The following ALCAM variants were observed in gnomAD, a reference collection of about 807,000 sequenced individuals.
The protein encoded by ALCAM is CD166 antigen.
In ALCAM, 30 loss-of-function variants were observed where a neutral mutation model predicts 70.9. The ratio of observed to expected loss-of-function variants is 0.42; its 90% CI spans 0.32 to 0.57. ALCAM has a LOEUF of 0.57. Ranked by LOEUF, ALCAM falls within the 20% of genes least tolerant of loss-of-function variation. The pLI is 0.11. For synonymous variants in ALCAM, 249 were observed against 242.5 expected (o/e 1.03, Z -0.25); for missense variants, 591 against 695.1 (o/e 0.85, Z 1.68).
intron 1 of ALCAM, among the ~76,000 whole-genome samples, chr3:105,391,234 A>T (rs1359281350): frequency 6.6e-6 from 1 of 152,028 alleles, no homozygotes; most frequent in East Asian, 1.9e-4. Flanking sequence ...ATGAGCATGG[A>T]ATGTTTTTCC....
At chr3:105,402,971 A>T (rs1314781184) in intron 1 of ALCAM, among the ~76,000 whole-genome samples, 1 of 88,350 alleles carries the variant, frequency 1.1e-5, no homozygotes. Flanking sequence ...TCTTAAATGG[A>T]GTTTTGCTCT....
rs200096110 is a variant in ALCAM at position 105,480,351 on chromosome 3, CAATAAATAAATAAATA to C, written c.74-39692_74-39677del. On this transcript the variant is annotated intron_variant, in intron 1 of 15. Coordinates refer to ENST00000306107, the MANE Select transcript of ALCAM (RefSeq NM_001627.4). ...TGGGCAGCAGAGCAAGATGTTGTCT[CAATAAATAAATAAATA>C]AATAAATAAATAAATAAATAAATTG... Among the ~76,000 whole-genome samples the C allele has an allele frequency of 1.2e-3, 183 of 150,226 alleles. 3 individuals carry two copies. The South Asian group carries it at 0.015, about 13-fold the overall frequency.
intron 14 of ALCAM, among the ~76,000 whole-genome samples, chr3:105,564,324 T>TCTTA (rs151060613): frequency 0.082 from 12,553 of 152,258 alleles, 650 homozygotes; most frequent in Non-Finnish European, 0.12. Context: ...TTGTTATTTA[T>TCTTA]CTTCTAAGTA....
At chr3:105,400,181 C>A (rs1382341602) in intron 1 of ALCAM, among the ~76,000 whole-genome samples, 1 of 151,996 alleles carries the variant, frequency 6.6e-6, no homozygotes, top group African/African-American at 2.4e-5. Context: ...AAGCAGATAG[C>A]CCTTGTTTGG....
chr3:105,381,943 A>ATT (rs1935533251), intron 1 of ALCAM, among the ~76,000 whole-genome samples: 2 of 144,030 alleles, frequency 1.4e-5, no homozygotes, highest in Non-Finnish European at 3.1e-5. Flanking sequence ...TTTCTTTTTT[A>ATT]TTATTATTAT....
At chr3:105,459,814 TA>T (rs1224214994) in intron 1 of ALCAM, among the ~76,000 whole-genome samples, 1 of 152,100 alleles carries the variant, frequency 6.6e-6, no homozygotes, top group South Asian at 2.1e-4. Context: ...CAAAACTTCC[TA>T]GGGAAATCAT....
At chr3:105,524,854 T>G in intron 3 of ALCAM, 3 of 1,017,836 alleles carry the variant, frequency 2.9e-6, no homozygotes, top group Non-Finnish European at 3.5e-6. Context: ...CATAGATATA[T>G]GATATATATG....
chr3:105,567,022 T>G (rs1379229304), intron 14 of ALCAM, among the ~76,000 whole-genome samples: 1 of 152,178 alleles, frequency 6.6e-6, no homozygotes, highest in Non-Finnish European at 1.5e-5. Context: ...ATCTTTTCAC[T>G]GATATAAAAT....
In ALCAM at chr3:105,567,854, G is replaced by A. The variant is rs142476293; in HGVS notation, c.1665-3998G>A. 7.0e-3 allele frequency among the ~76,000 whole-genome samples: 1,065 copies of A among 151,902 alleles called. 8 individuals carry two copies. The highest frequency in any genetic ancestry group is 0.013 in the Non-Finnish European group (874 of 67,942). ...ACTTTTTTACTATATAATGGATTTT[G>A]TGGGTGATATGTTTTAGATTATAAT... On this transcript the variant is annotated intron_variant, in intron 14 of 15. Transcript: ENST00000306107.
At chr3:105,560,387 T>A (rs1940607452) in intron 14 of ALCAM, among the ~76,000 whole-genome samples, 1 of 152,210 alleles carries the variant, frequency 6.6e-6, no homozygotes, top group Non-Finnish European at 1.5e-5. Flanking sequence ...TTGGTATTTG[T>A]CTTTCTGTAA....
rs1384891758 is a variant in ALCAM at position 105,571,890 on chromosome 3, T to C, written c.1703T>C (p.Met568Thr). Reference protein sequence around the residue: ...SKHVNKDLGNMEENKKLEENN... With the variant: ...SKHVNKDLGNTEENKKLEENN... The stretch of plus-strand genomic sequence containing the variant: ...CATGTAAACAAGGACCTCGGTAATA[T>C]GGAAGAAAACAAAAAGTTAGAAGAA... The change falls in exon 15 of 16, where the codon ATG becomes ACG. Residue 568 changes from methionine (M) to threonine (T), a missense_variant. Around this residue, in one of 2 missense-constraint regions of ALCAM, gnomAD observed 164 missense variants for 244.7 expected, o/e 0.67. Transcript: ENST00000306107. The C allele has an allele frequency of 1.9e-6, 3 of 1,613,524 alleles. No individual in the cohort carries two copies. The highest frequency in any genetic ancestry group is 4.5e-5 in the East Asian group (2 of 44,842).
At chr3:105,462,902 A>C (rs1490055560) in intron 1 of ALCAM, among the ~76,000 whole-genome samples, 1 of 151,398 alleles carries the variant, frequency 6.6e-6, no homozygotes, top group Non-Finnish European at 1.5e-5. Context: ...TTATCCAGGT[A>C]GTTTTCCAAG....
chr3:105,396,315 C>G (rs1446009398), intron 1 of ALCAM, among the ~76,000 whole-genome samples: 1 of 151,778 alleles, frequency 6.6e-6, no homozygotes, highest in Non-Finnish European at 1.5e-5. Flanking sequence ...GGTTTAGGAG[C>G]TAGGAGGTAT....
At chr3:105,368,223 A>AAGAGAGAGAGTGAGAGAGAGAGAGAG (rs1935122918) in intron 1 of ALCAM, among the ~76,000 whole-genome samples, 1 of 67,790 alleles carries the variant, frequency 1.5e-5, no homozygotes, top group Non-Finnish European at 2.8e-5. Context: ...TGAGTCTTGG[A>AAGAGAGAGAGTGAGAGAGAGAGAGAG]AGAGAGAGAG....
intron 1 of ALCAM, among the ~76,000 whole-genome samples, chr3:105,461,913 A>C (rs1247156477): frequency 6.6e-6 from 1 of 151,694 alleles, no homozygotes; most frequent in Non-Finnish European, 1.5e-5. Context: ...CACATAGAGA[A>C]ACAGGTCAGC....
chr3:105,508,407 C>CAGTTT (rs1559815478), intron 1 of ALCAM, among the ~76,000 whole-genome samples: 1 of 152,098 alleles, frequency 6.6e-6, no homozygotes, highest in Admixed American at 6.5e-5. Context: ...GCAGGGAGAA[C>CAGTTT]AGTTTCCTAT....
chr3:105,521,596 G>A (rs925134538), intron 2 of ALCAM, among the ~76,000 whole-genome samples: 2 of 152,090 alleles, frequency 1.3e-5, no homozygotes, highest in African/African-American at 4.8e-5. Flanking sequence ...TCTGGGCAGA[G>A]GAATTAATCC....
chr3:105,477,990 G>T lies in ALCAM; in HGVS notation c.74-42077G>T, dbSNP rs1027127917. 1.3e-5 allele frequency among the ~76,000 whole-genome samples: 2 copies of T among 151,996 alleles called. 1 individual carries two copies. Among genetic ancestry groups the T allele is most frequent in the African/African-American group, 4.8e-5 (2 of 41,484 alleles). On this transcript the variant is annotated intron_variant, in intron 1 of 15. Transcript: ENST00000306107. Reference sequence around the variant, plus strand: ...GCCATTTTTTCCCTTGATATCATGAGACTAGCATGGTAAATATTTTAAAAT... The same window carrying T: ...GCCATTTTTTCCCTTGATATCATGATACTAGCATGGTAAATATTTTAAAAT...
At chr3:105,431,274 A>C (rs954640104) in intron 1 of ALCAM, among the ~76,000 whole-genome samples, 30 of 152,258 alleles carry the variant, frequency 2.0e-4, no homozygotes, top group African/African-American at 6.7e-4. Context: ...TATCAGGGTA[A>C]GCTGATCTGG....
Sources: allele counts gnomAD v4.1 joint callset (sites outside exome capture counted in the v4.1 genomes callset), GRCh38; gene constraint gnomAD v4.1.1; regional missense constraint gnomAD v4.1.1; transcripts MANE v1.5; gene names NCBI Gene and HGNC (gene_info 2026-07-23, HGNC 2026-07-21).